The following DOCK3 variants were observed in gnomAD, a reference collection of about 807,000 sequenced individuals.
DOCK3 encodes dedicator of cytokinesis protein 3.
DOCK3 carries 60 observed loss-of-function variants against 265.6 expected under a neutral mutation model. That is an observed-to-expected ratio of 0.23 (90% CI 0.18 to 0.28). The LOEUF is 0.28. Ranked by LOEUF, DOCK3 falls within the 10% of genes least tolerant of loss-of-function variation. DOCK3 has a pLI of 1.00. For synonymous variants in DOCK3, 881 were observed against 938.0 expected (o/e 0.94, Z 1.11); for missense variants, 1,981 against 2,594.3 (o/e 0.76, Z 5.14).
rs1224249741 is a variant in DOCK3 at position 51,341,056 on chromosome 3, G to A, written c.3767-181G>A. ...GAATATTTGGCTCCTTCATGCTGTGGACAAGGGTTATTGGCTTGTTGAGCA... is the reference window on the plus strand; with the variant it reads ...GAATATTTGGCTCCTTCATGCTGTGAACAAGGGTTATTGGCTTGTTGAGCA... On this transcript the variant is annotated intron_variant, in intron 37 of 52. Transcript: ENST00000266037. 2.6e-5 allele frequency among the ~76,000 whole-genome samples: 4 copies of A among 152,218 alleles called. No individual in the cohort carries two copies. In the South Asian group the frequency reaches 6.2e-4, roughly 24 times the overall value.
chr3:51,041,951 T>TCCCTAGCCATGAAAG (rs764467325), intron 5 of DOCK3, among the ~76,000 whole-genome samples: 180 of 152,262 alleles, frequency 1.2e-3, no homozygotes, highest in Non-Finnish European at 2.2e-3. Flanking sequence ...CACTGACTTC[T>TCCCTAGCCATGAAAG]CCCTAGCCAT....
At chr3:50,858,261 C>T (rs775078815) in intron 3 of DOCK3, among the ~76,000 whole-genome samples, 3 of 151,978 alleles carry the variant, frequency 2.0e-5, no homozygotes, top group Non-Finnish European at 4.4e-5. Flanking sequence ...GGGAACATCA[C>T]ACTCTGGGGC....
rs1344064729 is a variant in DOCK3, at chr3:50,782,861, TC to T, written c.121+4106del. On this transcript the variant is annotated intron_variant, in intron 2 of 52. Coordinates refer to ENST00000266037, the MANE Select transcript of DOCK3 (RefSeq NM_004947.5). The stretch of plus-strand genomic sequence containing the variant: ...TGCCTTTGCATCCTCATAGCTTAGC[TC>T]CCACTTATAAGTGAGAACATATGAT... Among the ~76,000 whole-genome samples the T allele has an allele frequency of 7.9e-5, 12 of 151,940 alleles. No individual in the cohort carries two copies. In the South Asian group the frequency reaches 2.3e-3, roughly 29 times the overall value.
chr3:50,981,676 C>T (rs981073190), intron 5 of DOCK3, among the ~76,000 whole-genome samples: 2 of 152,084 alleles, frequency 1.3e-5, no homozygotes, highest in Non-Finnish European at 2.9e-5. Flanking sequence ...GCTGAACTGA[C>T]CCCCTTTTCA....
chr3:50,922,454 A>C (rs747034021), intron 4 of DOCK3, among the ~76,000 whole-genome samples: 25 of 152,192 alleles, frequency 1.6e-4, no homozygotes, highest in Admixed American at 7.8e-4. Context: ...ACTGTCTGTC[A>C]TGGCTTCCCT....
At chr3:51,178,909 A>G (rs942213089) in intron 12 of DOCK3, among the ~76,000 whole-genome samples, 13 of 152,208 alleles carry the variant, frequency 8.5e-5, no homozygotes, top group African/African-American at 3.1e-4. Context: ...ATGGGCTGTT[A>G]TTTTCTCTCT....
chr3:51,290,937 G>A (rs1455892414), intron 27 of DOCK3, among the ~76,000 whole-genome samples: 1 of 152,092 alleles, frequency 6.6e-6, no homozygotes, highest in Non-Finnish European at 1.5e-5. Context: ...AATTAGCCAG[G>A]CGTGGTGGCG....
chr3:51,259,489 T>A lies in DOCK3; in HGVS notation c.2185-667T>A, dbSNP rs548544603. On this transcript the variant is annotated intron_variant, in intron 22 of 52. Transcript: ENST00000266037. ...GCATGGGCCAAGCGTCAGGAACTCCTCAGAATCAGATTCTGCTCCCAAACA... is the reference window on the plus strand; with the variant it reads ...GCATGGGCCAAGCGTCAGGAACTCCACAGAATCAGATTCTGCTCCCAAACA... Among the ~76,000 whole-genome samples the A allele has an allele frequency of 7.2e-5, 11 of 152,338 alleles. No individual in the cohort carries two copies. The South Asian group carries it at 2.3e-3, about 32-fold the overall frequency.
At chr3:50,933,440 T>C (rs1195732273) in intron 4 of DOCK3, among the ~76,000 whole-genome samples, 1 of 152,226 alleles carries the variant, frequency 6.6e-6, no homozygotes, top group Non-Finnish European at 1.5e-5. Flanking sequence ...TCAGAATTCC[T>C]CTACCAGACT....
chr3:51,121,649 T>C (rs1221341276), intron 9 of DOCK3, among the ~76,000 whole-genome samples: 1 of 152,118 alleles, frequency 6.6e-6, no homozygotes, highest in Non-Finnish European at 1.5e-5. Context: ...GTCCAGTGAT[T>C]TGTATTTTTC....
intron 27 of DOCK3, among the ~76,000 whole-genome samples, chr3:51,301,200 A>G (rs1200733094): frequency 1.3e-5 from 2 of 152,134 alleles, no homozygotes; most frequent in African/African-American, 4.8e-5. Context: ...AAAGGTGTTA[A>G]TAGTATTTTC....
chr3:51,127,503 A>G (rs2084322177), intron 9 of DOCK3, among the ~76,000 whole-genome samples: 1 of 152,254 alleles, frequency 6.6e-6, no homozygotes, highest in African/African-American at 2.4e-5. Context: ...CCCAAATACT[A>G]TTACATAAAG....
At chr3:51,278,104 C>T (rs1435139841) in intron 26 of DOCK3, 1 of 985,258 alleles carries the variant, frequency 1.0e-6, no homozygotes, top group Non-Finnish European at 1.2e-6. Context: ...CTTCTAGGAA[C>T]CCCCTCATAC....
At chr3:50,875,597 T>C (rs1006233109) in intron 3 of DOCK3, among the ~76,000 whole-genome samples, 1 of 152,236 alleles carries the variant, frequency 6.6e-6, no homozygotes, top group Admixed American at 6.5e-5. Flanking sequence ...ATGTGATATA[T>C]CATGTTTATT....
intron 4 of DOCK3, among the ~76,000 whole-genome samples, chr3:50,932,432 G>A (rs368316801): frequency 1.8e-4 from 27 of 151,918 alleles, no homozygotes; most frequent in African/African-American, 5.8e-4. Flanking sequence ...GCTAATAAAC[G>A]GGTATAAGTT....
chr3:50,879,109 A>C (rs1008204527), intron 3 of DOCK3, among the ~76,000 whole-genome samples: 1 of 152,252 alleles, frequency 6.6e-6, no homozygotes, highest in East Asian at 1.9e-4. Flanking sequence ...GGCCTGCCTT[A>C]CAAGAGCTCC....
intron 19 of DOCK3, among the ~76,000 whole-genome samples, chr3:51,232,311 A>G (rs1346895169): frequency 1.3e-5 from 2 of 152,122 alleles, no homozygotes; most frequent in African/African-American, 4.8e-5. Context: ...ATCCTTGCAG[A>G]TGCGAATTGT....
chr3:50,934,238 A>T (rs1017471332), intron 5 of DOCK3, among the ~76,000 whole-genome samples, 161 bp downstream of exon 5: 1 of 152,190 alleles, frequency 6.6e-6, no homozygotes, highest in Non-Finnish European at 1.5e-5. Flanking sequence ...AGTTTTTTCA[A>T]CCTGAGGAGA....
Position 51,045,380 on chromosome 3 carries a change from C to T in DOCK3, c.316-19068C>T, listed in dbSNP as rs141912548. Reference sequence around the variant, plus strand: ...TATATGGGTGTGGTTTTTAATGCCCCAGAACAATTACAATAGTAACATCAG... The same window carrying T: ...TATATGGGTGTGGTTTTTAATGCCCTAGAACAATTACAATAGTAACATCAG... On this transcript the variant is annotated intron_variant, in intron 5 of 52. Coordinates refer to ENST00000266037, the MANE Select transcript of DOCK3 (RefSeq NM_004947.5). Among the ~76,000 whole-genome samples, 69 of 152,012 alleles carry T rather than the reference C, an allele frequency of 4.5e-4. 1 individual carries two copies. The highest frequency in any genetic ancestry group is 8.5e-4 in the Non-Finnish European group (58 of 68,014).
Sources: allele counts gnomAD v4.1 joint callset (sites outside exome capture counted in the v4.1 genomes callset), GRCh38; gene constraint gnomAD v4.1.1; transcripts MANE v1.5; gene names NCBI Gene and HGNC (gene_info 2026-07-23, HGNC 2026-07-21).